NKAIN2: variants seen among roughly 807,000 people sequenced by gnomAD.
The protein encoded by NKAIN2 is sodium/potassium-transporting ATPase subunit beta-1-interacting protein 2.
Under a neutral mutation model 32.6 loss-of-function variants are expected in NKAIN2, and 14 were observed. The ratio of observed to expected loss-of-function variants is 0.43; its 90% confidence interval spans 0.28 to 0.67. NKAIN2 has a LOEUF of 0.67. Among genes scored for constraint, NKAIN2 ranks in the 30% least tolerant of loss-of-function variants. NKAIN2 has a pLI of 0.17. For synonymous variants in NKAIN2, 80 were observed against 87.2 expected, an observed-to-expected ratio of 0.92 and a Z score of 0.46; for missense variants, 198 against 258.3, an observed-to-expected ratio of 0.77 and a Z score of 1.60.
At chr6:124,745,967 T>C (rs1479616051) in intron 4 of NKAIN2, among the ~76,000 whole-genome samples, 1 of 151,898 alleles carries the variant, frequency 6.6e-6, no homozygotes, top group Non-Finnish European at 1.5e-5. Flanking sequence ...ATGTTTCCAG[T>C]TTCAGGTATC....
intron 1 of NKAIN2, among the ~76,000 whole-genome samples, chr6:123,948,090 A>C (rs1051567340): frequency 3.9e-4 from 60 of 152,236 alleles, no homozygotes; most frequent in African/African-American, 1.3e-3. Flanking sequence ...GCAAAGGACA[A>C]CATGATTTCA....
At chr6:124,697,171 A>T (rs1200568901) in intron 4 of NKAIN2, among the ~76,000 whole-genome samples, 1 of 152,198 alleles carries the variant, frequency 6.6e-6, no homozygotes, top group African/African-American at 2.4e-5. Flanking sequence ...TAACCTGGGC[A>T]TCTGCAGAAT....
At chr6:123,961,884 CAG>C (rs1777867441) in intron 1 of NKAIN2, among the ~76,000 whole-genome samples, 1 of 151,966 alleles carries the variant, frequency 6.6e-6, no homozygotes, top group Non-Finnish European at 1.5e-5. Flanking sequence ...GTGGAAATAT[CAG>C]AGATAAATTT....
At chr6:124,151,149 A>G (rs1224916176) in intron 1 of NKAIN2, among the ~76,000 whole-genome samples, 1 of 151,924 alleles carries the variant, frequency 6.6e-6, no homozygotes, top group Admixed American at 6.6e-5. Context: ...ATATTTGACT[A>G]GGGTTGGCTG....
intron 1 of NKAIN2, among the ~76,000 whole-genome samples, chr6:123,935,706 G>A (rs1338263915): frequency 6.6e-6 from 1 of 151,866 alleles, no homozygotes; most frequent in Non-Finnish European, 1.5e-5. Context: ...TAATCATATA[G>A]ATAAAAGGTC....
At position 124,179,673 on chromosome 6, in the gene NKAIN2, G is replaced by A. The variant is rs568322033; in HGVS notation, c.55-103332G>A. Among the ~76,000 whole-genome samples the A allele has an allele frequency of 2.1e-4, 32 of 152,278 alleles. 2 individuals are homozygous for A. The South Asian group carries it at 6.0e-3, about 29-fold the overall frequency. On this transcript the variant is annotated intron_variant, in intron 1 of 6. Coordinates refer to ENST00000368417, the MANE Select transcript of NKAIN2 (RefSeq NM_001040214.3). ...TGCTCCATTTCACCCATTACCCATG[G>A]GTAGGCGCTGGATATTGGGCCTTTT...
intron 1 of NKAIN2, among the ~76,000 whole-genome samples, chr6:123,891,905 C>T (rs1364218042): frequency 6.6e-6 from 1 of 152,262 alleles, no homozygotes; most frequent in East Asian, 1.9e-4. Flanking sequence ...CTCCATGAAG[C>T]AGGGCTCTGA....
chr6:123,986,298 A>G (rs1164608894), intron 1 of NKAIN2, among the ~76,000 whole-genome samples: 4 of 152,224 alleles, frequency 2.6e-5, no homozygotes, highest in Non-Finnish European at 5.9e-5. Flanking sequence ...AGCATTAAAT[A>G]AAGCAGTAGT....
intron 3 of NKAIN2, among the ~76,000 whole-genome samples, chr6:124,582,584 A>G (rs1781563144): frequency 6.6e-6 from 1 of 152,144 alleles, no homozygotes; most frequent in South Asian, 2.1e-4. Context: ...AAAATAGAGG[A>G]GGGGGAATTC....
intron 4 of NKAIN2, among the ~76,000 whole-genome samples, chr6:124,702,568 C>T (rs1422452910): frequency 2.0e-5 from 3 of 151,876 alleles, no homozygotes; most frequent in Admixed American, 1.3e-4. Context: ...GCCAAGAAAA[C>T]GTAGAGGAGG....
intron 3 of NKAIN2, among the ~76,000 whole-genome samples, chr6:124,557,800 T>C (rs1780531945): frequency 6.6e-6 from 1 of 152,208 alleles, no homozygotes; most frequent in African/African-American, 2.4e-5. Flanking sequence ...AAGAAGAGGT[T>C]TTCTGGTTAG....
At chr6:124,161,725 TA>T (rs1430733885) in intron 1 of NKAIN2, among the ~76,000 whole-genome samples, 1 of 152,080 alleles carries the variant, frequency 6.6e-6, no homozygotes, top group Admixed American at 6.6e-5. Context: ...TTCTCACTTA[TA>T]AGTGGGAGCT....
intron 1 of NKAIN2, among the ~76,000 whole-genome samples, chr6:124,082,375 A>G (rs1211851249): frequency 2.0e-5 from 3 of 152,042 alleles, no homozygotes; most frequent in African/African-American, 7.2e-5. Context: ...ATTTTCTTTA[A>G]TTCTGAAGTC....
In NKAIN2 at chr6:124,210,482, G is replaced by T. The variant is rs573942868; in HGVS notation, c.55-72523G>T. Among the ~76,000 whole-genome samples the T allele has an allele frequency of 2.6e-5, 4 of 151,828 alleles. No homozygotes were observed. In the South Asian group the frequency reaches 8.3e-4, roughly 31 times the overall value. ...CTGTGAAGAATGTCATCAGCATTTGGATGGGGACTGCACTGAATTGTAGAT... is the reference window on the plus strand; with the variant it reads ...CTGTGAAGAATGTCATCAGCATTTGTATGGGGACTGCACTGAATTGTAGAT... On this transcript the variant is annotated intron_variant, in intron 1 of 6. Transcript: ENST00000368417.
At chr6:124,665,449 T>C (rs528571411) in intron 4 of NKAIN2, among the ~76,000 whole-genome samples, 2 of 152,326 alleles carry the variant, frequency 1.3e-5, no homozygotes, top group Admixed American at 1.3e-4. Flanking sequence ...TTCAAGTGTT[T>C]AATTCTTTCC....
intron 5 of NKAIN2, among the ~76,000 whole-genome samples, chr6:124,812,358 A>G (rs1780939480): frequency 6.6e-6 from 1 of 152,104 alleles, no homozygotes; most frequent in African/African-American, 2.4e-5. Flanking sequence ...TTTACAGCCT[A>G]AAGGGTCTAA....
intron 3 of NKAIN2, among the ~76,000 whole-genome samples, chr6:124,610,609 G>A (rs1276406837): frequency 6.6e-6 from 1 of 152,064 alleles, no homozygotes; most frequent in Admixed American, 6.6e-5. Flanking sequence ...TGCTAGACAC[G>A]CTTCATATTT....
intron 1 of NKAIN2, among the ~76,000 whole-genome samples, chr6:123,834,445 A>G (rs1774527278): frequency 6.6e-6 from 1 of 152,152 alleles, no homozygotes; most frequent in Admixed American, 6.5e-5. Context: ...ATGAGCCACC[A>G]CACCTGGCTG....
intron 2 of NKAIN2, among the ~76,000 whole-genome samples, chr6:124,339,352 AAAC>A (rs530143907): frequency 2.6e-5 from 4 of 152,186 alleles, no homozygotes; most frequent in African/African-American, 4.8e-5. Flanking sequence ...TCAAACAAAC[AAAC>A]AACAACAACA....
Sources: gnomAD v4.1 joint callset for allele counts (sites outside exome capture counted in the v4.1 genomes callset) on GRCh38, gnomAD v4.1.1 for gene constraint, MANE v1.5 for transcripts, NCBI Gene and HGNC (gene_info 2026-07-23, HGNC 2026-07-21) for gene names.